TEKT1: variants seen among roughly 807,000 people sequenced by gnomAD.
TEKT1 encodes the protein tektin-1.
In TEKT1, 32 loss-of-function variants were observed where a neutral mutation model predicts 34.8. The ratio of observed to expected loss-of-function variants is 0.92; its 90% CI spans 0.69 to 1.23. The LOEUF (loss-of-function observed/expected upper bound fraction) is 1.23, where lower values mean the gene tolerates loss of function less well. Ranked by LOEUF, TEKT1 falls within the 50% of genes most tolerant of loss-of-function variation. The pLI, the probability that TEKT1 is intolerant of heterozygous loss-of-function variation, is 0.00. For synonymous variants in TEKT1, 207 were observed against 199.8 expected, an observed-to-expected ratio of 1.04 and a Z score of -0.30; for missense variants, 492 against 518.5, an observed-to-expected ratio of 0.95 and a Z score of 0.50.
chr17:6,824,370 C>T (rs1324438288), intron 2 of TEKT1, among the ~76,000 whole-genome samples: 1 of 152,114 alleles, frequency 6.6e-6, no homozygotes, highest in African/African-American at 2.4e-5. Context: ...TCAAGGTCTT[C>T]CTCAGGCTTG....
chr17:6,805,679 T>C (rs954924131), intron 6 of TEKT1, among the ~76,000 whole-genome samples: 7 of 152,232 alleles, frequency 4.6e-5, no homozygotes, highest in African/African-American at 1.4e-4. Flanking sequence ...TTTGTTCTCA[T>C]TGGTTTCAAA....
intron 2 of TEKT1, among the ~76,000 whole-genome samples, chr17:6,824,462 T>C (rs1904341648): frequency 6.6e-6 from 1 of 152,190 alleles, no homozygotes; most frequent in African/African-American, 2.4e-5. Context: ...TCTCTACTCA[T>C]TCCCCATAAA....
chr17:6,810,772 C>T (rs535307378), intron 6 of TEKT1, among the ~76,000 whole-genome samples: 12 of 152,252 alleles, frequency 7.9e-5, no homozygotes, highest in Admixed American at 2.6e-4. Flanking sequence ...GAGTTTCGCT[C>T]TTATTGCCCA....
intron 2 of TEKT1, among the ~76,000 whole-genome samples, chr17:6,828,420 ATCCATAAACG>A (rs1308917999): frequency 6.6e-6 from 1 of 152,218 alleles, no homozygotes; most frequent in Non-Finnish European, 1.5e-5. Flanking sequence ...ACCAGGTTTG[ATCCATAAACG>A]TGTTTGTTCA....
At chr17:6,806,347 G>A (rs1976843630) in intron 6 of TEKT1, among the ~76,000 whole-genome samples, 1 of 151,774 alleles carries the variant, frequency 6.6e-6, no homozygotes, top group Non-Finnish European at 1.5e-5. Flanking sequence ...CCTTTATTTT[G>A]AGCCTATGTG....
chr17:6,806,365 G>T, intron 6 of TEKT1, among the ~76,000 whole-genome samples: 1 of 152,122 alleles, frequency 6.6e-6, no homozygotes. Context: ...GTGTGTCTCT[G>T]CACATGAGAT....
chr17:6,810,967 T>C (rs1976919365), intron 6 of TEKT1, among the ~76,000 whole-genome samples: 1 of 152,224 alleles, frequency 6.6e-6, no homozygotes, highest in African/African-American at 2.4e-5. Context: ...CGTGAACTCC[T>C]GACCTCTCAG....
At chr17:6,804,938 T>TC (rs1976824818) in intron 6 of TEKT1, among the ~76,000 whole-genome samples, 1 of 152,168 alleles carries the variant, frequency 6.6e-6, no homozygotes, top group African/African-American at 2.4e-5. Flanking sequence ...TTTTGTTGTG[T>TC]CTCTGCCTGG....
At chr17:6,806,560 C>T (rs937170308) in intron 6 of TEKT1, among the ~76,000 whole-genome samples, 3 of 152,134 alleles carry the variant, frequency 2.0e-5, no homozygotes, top group Non-Finnish European at 2.9e-5. Context: ...TTCTTCCTAG[C>T]GTCGATGGTC....
chr17:6,825,361 C>T (rs1471327597), intron 2 of TEKT1, among the ~76,000 whole-genome samples: 8 of 152,172 alleles, frequency 5.3e-5, no homozygotes, highest in African/African-American at 1.7e-4. Context: ...GGATGAAGCA[C>T]ACCGTATCCT....
chr17:6,826,696 A>T (rs1477414244), intron 2 of TEKT1, among the ~76,000 whole-genome samples: 12 of 144,596 alleles, frequency 8.3e-5, no homozygotes, highest in East Asian at 7.9e-4. Flanking sequence ...TGGGATTATT[A>T]TTATTTTTTT....
At chr17:6,802,821 G>A (rs771722283) in intron 6 of TEKT1, among the ~76,000 whole-genome samples, 2 of 152,104 alleles carry the variant, frequency 1.3e-5, no homozygotes, top group African/African-American at 4.8e-5. Context: ...GTATTCCATG[G>A]TGTATATGTG....
At chr17:6,819,380 C>A in intron 2 of TEKT1, 22 bp from the exon 3 acceptor site, 8 of 1,603,006 alleles carry the variant, frequency 5.0e-6, no homozygotes, top group South Asian at 2.3e-5. Context: ...GGGGAAGTTA[C>A]ACCAGGGCTA....
At chr17:6,826,851 A>G (rs1040604605) in intron 2 of TEKT1, among the ~76,000 whole-genome samples, 4 of 151,762 alleles carry the variant, frequency 2.6e-5, no homozygotes, top group Non-Finnish European at 5.9e-5. Flanking sequence ...ACCCGCCACC[A>G]CGCCCAGCTA....
At position 6,808,506 on chromosome 17, in the gene TEKT1, T is replaced by C. The variant is rs934676194; in HGVS notation, c.852+4325A>G. ...CACTTTCCGACACTCCCCAGTGAGA[T>C]GAACCTGGTACCTCAGTTGGAAACG... is the stretch of plus-strand genomic sequence containing the variant. On this transcript the variant is annotated intron_variant, in intron 6 of 7. Coordinates refer to ENST00000338694, the MANE Select transcript of TEKT1 (RefSeq NM_053285.2). Among the ~76,000 whole-genome samples, 7 of 152,328 alleles carry C rather than the reference T, an allele frequency of 4.6e-5. No individual in the cohort carries two copies. The East Asian group carries it at 1.4e-3, about 29-fold the overall frequency.
intron 6 of TEKT1, among the ~76,000 whole-genome samples, chr17:6,807,369 C>T (rs1369124114): frequency 4.6e-5 from 7 of 152,178 alleles, no homozygotes. Context: ...AGCCATTCAT[C>T]TAATTTTTTT....
chr17:6,814,724 G>A (rs1000397689), intron 5 of TEKT1, among the ~76,000 whole-genome samples: 4 of 151,952 alleles, frequency 2.6e-5, no homozygotes, highest in Admixed American at 2.6e-4. Context: ...TGTAGTCCCA[G>A]CTACTTGGGA....
intron 6 of TEKT1, among the ~76,000 whole-genome samples, chr17:6,805,129 C>T (rs1211157874): frequency 6.6e-6 from 1 of 152,106 alleles, no homozygotes; most frequent in Admixed American, 6.6e-5. Context: ...TTAACTATTG[C>T]CTCAATTTCA....
chr17:6,813,551 G>GACAGAC (rs1555554521), intron 5 of TEKT1, among the ~76,000 whole-genome samples: 2 of 135,086 alleles, frequency 1.5e-5, no homozygotes, highest in Admixed American at 1.5e-4. Context: ...GAAGAAACCA[G>GACAGAC]ACACACACAC....
Sources: allele counts gnomAD v4.1 joint callset (sites outside exome capture counted in the v4.1 genomes callset), GRCh38; gene constraint gnomAD v4.1.1; transcripts MANE v1.5; gene names NCBI Gene and HGNC (gene_info 2026-07-23, HGNC 2026-07-21).